The following DZIP3 variants were observed in gnomAD, a reference collection of about 807,000 sequenced individuals.
The protein encoded by DZIP3 is E3 ubiquitin-protein ligase DZIP3.
A neutral mutation model predicts 162.0 loss-of-function variants in DZIP3; 118 were observed. The observed-to-expected ratio is 0.73, with a 90% CI of 0.63 to 0.85. The LOEUF (loss-of-function observed/expected upper bound fraction) is 0.85. DZIP3 is among the 40% of genes least tolerant of loss of function. DZIP3 has a pLI of 0.00. For synonymous variants in DZIP3, 438 were observed against 458.6 expected (o/e 0.96, Z 0.57); for missense variants, 1,331 against 1,407.0 (o/e 0.95, Z 0.86).
At chr3:108,631,052 C>CAG (rs1559741280) in intron 8 of DZIP3, among the ~76,000 whole-genome samples, 2 of 102,366 alleles carry the variant, frequency 2.0e-5, no homozygotes, top group Admixed American at 1.0e-4. Context: ...CACACACACA[C>CAG]ACACTCTCTC....
chr3:108,663,429 G>C (rs568857451), intron 21 of DZIP3, among the ~76,000 whole-genome samples: 54 of 152,096 alleles, frequency 3.6e-4, no homozygotes, highest in African/African-American at 1.2e-3. Context: ...GGTGGCGCAT[G>C]CCTGTAGTCC....
chr3:108,652,166 A>T lies in DZIP3; in HGVS notation c.2033+1004A>T, dbSNP rs188658009. Among the ~76,000 whole-genome samples the T allele has an allele frequency of 3.9e-3, 595 of 151,956 alleles. 5 individuals are homozygous for T. The highest frequency in any genetic ancestry group is 6.0e-3 in the Admixed American group (92 of 15,250). Reference sequence around the variant, plus strand: ...ACAGTGGATCCAAATCTGGATGATGATCAGATCATCCAGGAAGCTTTGTCT... The same window carrying T: ...ACAGTGGATCCAAATCTGGATGATGTTCAGATCATCCAGGAAGCTTTGTCT... On this transcript the variant is annotated intron_variant, in intron 18 of 32. Coordinates refer to ENST00000361582, the MANE Select transcript of DZIP3 (RefSeq NM_014648.4).
At chr3:108,683,436 T>C (rs1944389342) in intron 26 of DZIP3, among the ~76,000 whole-genome samples, 1 of 152,148 alleles carries the variant, frequency 6.6e-6, no homozygotes, top group Non-Finnish European at 1.5e-5. Context: ...ATGTTGCTGT[T>C]CCTCATTTTT....
intron 27 of DZIP3, among the ~76,000 whole-genome samples, chr3:108,686,114 A>T (rs1944488918): frequency 5.3e-5 from 8 of 152,210 alleles, no homozygotes; most frequent in Admixed American, 5.2e-4. Context: ...GTTTTGCTGT[A>T]CATGTATGTA....
chr3:108,635,056 G>A, intron 10 of DZIP3, 84 bp downstream of exon 10: 1 of 759,924 alleles, frequency 1.3e-6, no homozygotes, highest in East Asian at 2.9e-5. Flanking sequence ...GTTTCTTCCT[G>A]TTCATAACTT....
At chr3:108,679,540 A>G (rs1472620251) in intron 26 of DZIP3, among the ~76,000 whole-genome samples, 3 of 152,100 alleles carry the variant, frequency 2.0e-5, no homozygotes, top group African/African-American at 7.2e-5. Context: ...CAGTTGTGTT[A>G]AAGTACAAGC....
intron 32 of DZIP3, among the ~76,000 whole-genome samples, chr3:108,692,151 T>G (rs927744754): frequency 5.3e-5 from 8 of 152,070 alleles, no homozygotes; most frequent in Non-Finnish European, 8.8e-5. Context: ...CATTTTGGCT[T>G]TATATTTATA....
chr3:108,641,670 T>TA (rs1942407434), intron 12 of DZIP3, among the ~76,000 whole-genome samples: 1 of 152,218 alleles, frequency 6.6e-6, no homozygotes, highest in South Asian at 2.1e-4. Flanking sequence ...GTATGGGAGA[T>TA]ACCTTTTACT....
intron 14 of DZIP3, among the ~76,000 whole-genome samples, chr3:108,645,627 A>G (rs1942589472): frequency 1.3e-5 from 2 of 152,164 alleles, no homozygotes; most frequent in Admixed American, 6.6e-5. Context: ...CCTGGTCTCA[A>G]GTTATTTACA....
chr3:108,683,339 T>G (rs1321028865), intron 26 of DZIP3, among the ~76,000 whole-genome samples: 4 of 152,162 alleles, frequency 2.6e-5, no homozygotes, highest in Non-Finnish European at 5.9e-5. Context: ...TTTAAGATGT[T>G]AAAACTCAAA....
chr3:108,592,066 G>T (rs1368781453), intron 1 of DZIP3, among the ~76,000 whole-genome samples: 2 of 151,980 alleles, frequency 1.3e-5, no homozygotes, highest in African/African-American at 4.8e-5. Flanking sequence ...CTTGAAGTCC[G>T]TGGCAATCTC....
At chr3:108,640,562 CAGCCTCCTGAGTAGCTG>C (rs1487743013) in intron 12 of DZIP3, among the ~76,000 whole-genome samples, 1 of 151,810 alleles carries the variant, frequency 6.6e-6, no homozygotes, top group Admixed American at 6.6e-5. Context: ...TCTCCTGCCT[CAGCCTCCTGAGTAGCTG>C]AGACTACAGG....
At chr3:108,676,452 G>T (rs1944113825) in intron 25 of DZIP3, among the ~76,000 whole-genome samples, 1 of 152,052 alleles carries the variant, frequency 6.6e-6, no homozygotes, top group African/African-American at 2.4e-5. Flanking sequence ...ATGCAAAATA[G>T]TAAATTCTTA....
intron 32 of DZIP3, 142 bp from the exon 33 acceptor site, chr3:108,693,218 T>C (rs569199263): frequency 6.6e-6 from 1 of 151,656 alleles, no homozygotes; most frequent in African/African-American, 2.4e-5. Context: ...AATATGAGGT[T>C]ATTTGCCATG....
intron 1 of DZIP3, among the ~76,000 whole-genome samples, chr3:108,600,436 G>A (rs983612260): frequency 3.3e-5 from 5 of 152,014 alleles, no homozygotes; most frequent in Admixed American, 6.6e-5. Context: ...GGTATATCAT[G>A]CAGTTTAAAG....
chr3:108,636,978 A>G (rs1942178430), intron 11 of DZIP3, among the ~76,000 whole-genome samples: 1 of 152,054 alleles, frequency 6.6e-6, no homozygotes, highest in South Asian at 2.1e-4. Context: ...CAATAAGGAA[A>G]ATATCGTGAA....
chr3:108,666,876 T>C (rs1192918867), intron 21 of DZIP3, among the ~76,000 whole-genome samples: 1 of 152,158 alleles, frequency 6.6e-6, no homozygotes, highest in Non-Finnish European at 1.5e-5. Flanking sequence ...GCCACATAGC[T>C]GAGGCAGTGC....
chr3:108,647,893 G>C (rs753171637), intron 15 of DZIP3, 50 bp from the exon 16 acceptor site: 5 of 1,407,218 alleles, frequency 3.6e-6, no homozygotes. Context: ...TTGATAAGAA[G>C]CTGAAATTGC....
At chr3:108,624,296 TATC>T (rs1245995715) in intron 5 of DZIP3, 145 bp from the exon 6 acceptor site, 75 of 524,192 alleles carry the variant, frequency 1.4e-4, no homozygotes, top group Middle Eastern at 5.0e-4. Flanking sequence ...TAAAATACAT[TATC>T]GTTATTATTA....
Sources: gnomAD v4.1 joint callset for allele counts (sites outside exome capture counted in the v4.1 genomes callset) on GRCh38, gnomAD v4.1.1 for gene constraint, MANE v1.5 for transcripts, NCBI Gene and HGNC (gene_info 2026-07-23, HGNC 2026-07-21) for gene names.